ADGRL3: variants seen among roughly 807,000 people sequenced by gnomAD.
ADGRL3 encodes adhesion G protein-coupled receptor L3, also known as calcium-independent alpha-latrotoxin receptor 3.
In ADGRL3, 62 loss-of-function variants were observed where a neutral mutation model predicts 153.5. That is an observed-to-expected ratio of 0.40 (90% CI 0.33 to 0.50). ADGRL3 has a LOEUF of 0.50. ADGRL3 is among the 20% of genes least tolerant of loss of function. ADGRL3 has a pLI of 0.47. For synonymous variants in ADGRL3, 710 were observed against 672.5 expected (o/e 1.06, Z -0.86); for missense variants, 1,641 against 1,859.4 (o/e 0.88, Z 2.16).
At chr4:61,284,713 T>C (rs2150046902) in intron 1 of ADGRL3, among the ~76,000 whole-genome samples, 1 of 151,974 alleles carries the variant, frequency 6.6e-6, no homozygotes, top group Middle Eastern at 3.4e-3. Flanking sequence ...AATTGGACAT[T>C]GGTAATGAAA....
intron 2 of ADGRL3, among the ~76,000 whole-genome samples, chr4:61,459,339 A>G (rs189991632): frequency 6.6e-6 from 1 of 152,120 alleles, no homozygotes; most frequent in Admixed American, 6.5e-5. Context: ...TAGAAATAAA[A>G]TAATAGGACA....
At chr4:61,692,127 A>G (rs1242189931) in intron 6 of ADGRL3, among the ~76,000 whole-genome samples, 2 of 152,250 alleles carry the variant, frequency 1.3e-5, no homozygotes, top group African/African-American at 4.8e-5. Context: ...TCTTCCTAAT[A>G]GTAGATGCTG....
chr4:62,070,084 C>G, intron 26 of ADGRL3, 25 bp from the exon 27 acceptor site: 2 of 1,586,006 alleles, frequency 1.3e-6, no homozygotes, highest in Non-Finnish European at 1.7e-6. Context: ...ATATAAATGT[C>G]ATAGTATCTT....
chr4:61,822,335 T>C (rs1158691623), intron 9 of ADGRL3, among the ~76,000 whole-genome samples: 3 of 152,172 alleles, frequency 2.0e-5, no homozygotes, highest in East Asian at 1.9e-4. Flanking sequence ...ATTAAGTATG[T>C]ACCTTGTATC....
At chr4:61,264,651 C>T (rs2092737327) in intron 1 of ADGRL3, among the ~76,000 whole-genome samples, 1 of 151,808 alleles carries the variant, frequency 6.6e-6, no homozygotes, top group South Asian at 2.1e-4. Flanking sequence ...AAATACTGTG[C>T]TTGGAAGACA....
chr4:61,294,689 G>A (rs1463106829), intron 1 of ADGRL3, among the ~76,000 whole-genome samples: 1 of 151,922 alleles, frequency 6.6e-6, no homozygotes, highest in Non-Finnish European at 1.5e-5. Flanking sequence ...TCATAAAATG[G>A]CATATAAAAT....
chr4:61,376,377 G>A (rs1043481571), intron 1 of ADGRL3, among the ~76,000 whole-genome samples: 4 of 149,194 alleles, frequency 2.7e-5, no homozygotes, highest in African/African-American at 9.7e-5. Flanking sequence ...AAAAACAGAG[G>A]ATAAGTTAAA....
intron 6 of ADGRL3, among the ~76,000 whole-genome samples, chr4:61,712,741 A>G (rs1372907197): frequency 6.6e-6 from 1 of 152,164 alleles, no homozygotes; most frequent in East Asian, 1.9e-4. Context: ...TACTTTGGTC[A>G]CCTATTTAAA....
At chr4:61,861,553 G>T (rs11735205) in intron 9 of ADGRL3, among the ~76,000 whole-genome samples, 6,285 of 151,796 alleles carry the variant, frequency 0.041, 138 homozygotes, top group Middle Eastern at 0.068. Flanking sequence ...ATTATCTGTT[G>T]GTGCACAATT....
At chr4:62,060,138 G>A (rs559825797) in intron 25 of ADGRL3, among the ~76,000 whole-genome samples, 14 of 151,804 alleles carry the variant, frequency 9.2e-5, no homozygotes, top group South Asian at 2.1e-4. Flanking sequence ...TCTTCCTTGC[G>A]TTTGATTCTT....
intron 9 of ADGRL3, among the ~76,000 whole-genome samples, chr4:61,847,356 C>T (rs923734891): frequency 6.6e-6 from 1 of 150,632 alleles, no homozygotes; most frequent in Non-Finnish European, 1.5e-5. Flanking sequence ...AAGTATTATA[C>T]CAAGTTACAG....
At chr4:61,853,321 A>G (rs181859219) in intron 9 of ADGRL3, among the ~76,000 whole-genome samples, 2 of 152,292 alleles carry the variant, frequency 1.3e-5, no homozygotes, top group Admixed American at 1.3e-4. Context: ...TAGGAGATCT[A>G]TGCTAGGAAC....
At chr4:61,559,764 A>C (rs1485326349) in intron 4 of ADGRL3, among the ~76,000 whole-genome samples, 1 of 152,066 alleles carries the variant, frequency 6.6e-6, no homozygotes, top group African/African-American at 2.4e-5. Context: ...TAGTAAATAT[A>C]ATATACTTGC....
intron 1 of ADGRL3, among the ~76,000 whole-genome samples, chr4:61,293,176 T>C (rs192508079): frequency 6.6e-6 from 1 of 152,204 alleles, no homozygotes; most frequent in East Asian, 1.9e-4. Flanking sequence ...CAAACTCAAG[T>C]TCTGAGTGTA....
intron 3 of ADGRL3, among the ~76,000 whole-genome samples, chr4:61,502,613 G>C (rs2098399339): frequency 6.6e-6 from 1 of 151,698 alleles, no homozygotes; most frequent in Non-Finnish European, 1.5e-5. Flanking sequence ...TCTTAGTAGG[G>C]ACAAAAGAAT....
intron 3 of ADGRL3, among the ~76,000 whole-genome samples, chr4:61,508,509 T>A (rs1436267613): frequency 6.6e-6 from 1 of 152,208 alleles, no homozygotes; most frequent in Non-Finnish European, 1.5e-5. Context: ...CAGAGGTTTT[T>A]AAAAATTTTT....
chr4:61,804,501 C>T (rs1047827450), intron 8 of ADGRL3, among the ~76,000 whole-genome samples: 4 of 152,190 alleles, frequency 2.6e-5, no homozygotes, highest in African/African-American at 9.7e-5. Context: ...TCCTCTGATT[C>T]TTCATCAGTT....
At chr4:61,690,673 A>G (rs916206715) in intron 6 of ADGRL3, among the ~76,000 whole-genome samples, 3 of 152,110 alleles carry the variant, frequency 2.0e-5, no homozygotes, top group African/African-American at 7.2e-5. Context: ...GCTGGAGAGG[A>G]AATGTATTTA....
chr4:61,850,124 ACGTTGT>A (rs2098183820), intron 9 of ADGRL3, among the ~76,000 whole-genome samples: 1 of 152,082 alleles, frequency 6.6e-6, no homozygotes, highest in African/African-American at 2.4e-5. Context: ...TTAACTAAGA[ACGTTGT>A]GATGGTCAAT....
Sources: gnomAD v4.1 joint callset for allele counts (sites outside exome capture counted in the v4.1 genomes callset) on GRCh38, gnomAD v4.1.1 for gene constraint, MANE v1.5 for transcripts, NCBI Gene and HGNC (gene_info 2026-07-23, HGNC 2026-07-21) for gene names.